The following KCNT2 variants were observed in gnomAD, a reference collection of about 807,000 sequenced individuals.
KCNT2 encodes the protein potassium channel subfamily T member 2.
KCNT2 carries 67 observed loss-of-function variants against 153.8 expected under a neutral mutation model. The ratio of observed to expected loss-of-function variants is 0.44; its 90% CI spans 0.36 to 0.53. The LOEUF is 0.53. Ranked by LOEUF, KCNT2 falls within the 20% of genes least tolerant of loss-of-function variation. The pLI, the probability that KCNT2 is intolerant of heterozygous loss-of-function variation, is 0.00. For synonymous variants in KCNT2, 500 were observed against 458.8 expected (o/e 1.09, Z -1.15); for missense variants, 975 against 1,354.8 (o/e 0.72, Z 4.40).
chr1:196,588,879 A>T (rs1236833552), intron 1 of KCNT2, among the ~76,000 whole-genome samples: 1 of 151,922 alleles, frequency 6.6e-6, no homozygotes, highest in Non-Finnish European at 1.5e-5. Context: ...CTTATTCCTC[A>T]ACAGGGTAAT....
intron 16 of KCNT2, among the ~76,000 whole-genome samples, chr1:196,336,816 T>C (rs1432216947): frequency 1.3e-5 from 2 of 152,320 alleles, no homozygotes; most frequent in East Asian, 3.9e-4. Flanking sequence ...GGTGTTGTCT[T>C]AATGCACTTA....
intron 22 of KCNT2, among the ~76,000 whole-genome samples, chr1:196,298,392 T>G (rs544701130): frequency 6.6e-6 from 1 of 152,144 alleles, no homozygotes; most frequent in African/African-American, 2.4e-5. Context: ...CTAAAATAAC[T>G]CACAGAACAA....
chr1:196,368,168 A>G (rs1668199944), intron 14 of KCNT2, among the ~76,000 whole-genome samples: 5 of 152,144 alleles, frequency 3.3e-5, no homozygotes. Context: ...AACTAATGCA[A>G]TATTCCTTAT....
intron 1 of KCNT2, among the ~76,000 whole-genome samples, chr1:196,510,816 A>G (rs1558025105): frequency 6.6e-6 from 1 of 152,172 alleles, no homozygotes; most frequent in Non-Finnish European, 1.5e-5. Flanking sequence ...AGCCTACAAC[A>G]CAAAGTTTGT....
intron 19 of KCNT2, among the ~76,000 whole-genome samples, chr1:196,325,917 G>C (rs557461983): frequency 6.6e-6 from 1 of 152,180 alleles, no homozygotes; most frequent in South Asian, 2.1e-4. Context: ...TGATAATTTT[G>C]AAAGGCAGAG....
At chr1:196,564,659 C>A (rs901199079) in intron 1 of KCNT2, among the ~76,000 whole-genome samples, 9 of 151,922 alleles carry the variant, frequency 5.9e-5, no homozygotes, top group African/African-American at 2.2e-4. Context: ...ATACAAAGAT[C>A]AATGGAACAG....
At chr1:196,429,958 T>C (rs938313143) in intron 8 of KCNT2, among the ~76,000 whole-genome samples, 3 of 152,068 alleles carry the variant, frequency 2.0e-5, no homozygotes, top group African/African-American at 4.8e-5. Flanking sequence ...TTTTGATTAA[T>C]AGACAAAAGT....
intron 8 of KCNT2, among the ~76,000 whole-genome samples, chr1:196,453,814 C>T (rs1014070788): frequency 1.3e-5 from 2 of 151,940 alleles, no homozygotes; most frequent in African/African-American, 4.8e-5. Context: ...TTATTCATCT[C>T]CCATCTGTGC....
chr1:196,565,098 GA>G (rs1283691628), intron 1 of KCNT2, among the ~76,000 whole-genome samples: 4 of 116,624 alleles, frequency 3.4e-5, no homozygotes, highest in Admixed American at 8.5e-5. Context: ...AAAATAAATA[GA>G]AAAAAAAACA....
At position 196,326,764 on chromosome 1, in the gene KCNT2, A is replaced by G; in HGVS notation, c.2229T>C (p.Tyr743=). The change falls in exon 19 of 28, where the codon TAT becomes TAC. Residue 743 remains tyrosine (Y), a synonymous_variant. Coordinates refer to ENST00000294725, the MANE Select transcript of KCNT2 (RefSeq NM_198503.5). ...TGGGATTAAGTTCTTTCTTTGGTCT[A>G]TAATATGCCCTGAGAGGAACAATAA... The part of the protein sequence containing the change: ...YNFIVPLRAY[Y]RPKKELNPIV... The G allele has an allele frequency of 6.4e-7, 1 of 1,573,872 alleles. No homozygotes were observed. Among genetic ancestry groups the G allele is most frequent in the Non-Finnish European group, 8.6e-7 (1 of 1,165,022 alleles).
At chr1:196,387,485 A>AT (rs1361977348) in intron 13 of KCNT2, among the ~76,000 whole-genome samples, 3 of 151,756 alleles carry the variant, frequency 2.0e-5, no homozygotes, top group African/African-American at 4.8e-5. Flanking sequence ...TGATGCCTGC[A>AT]TTTTTTTCCC....
intron 20 of KCNT2, among the ~76,000 whole-genome samples, chr1:196,319,265 T>C (rs1010108505): frequency 6.6e-6 from 1 of 151,776 alleles, no homozygotes; most frequent in African/African-American, 2.4e-5. Flanking sequence ...ACTGACAAAA[T>C]TGACATGCAG....
At chr1:196,273,446 G>C (rs1164920715) in intron 25 of KCNT2, 1 of 1,510,678 alleles carries the variant, frequency 6.6e-7, no homozygotes, top group South Asian at 1.2e-5. Flanking sequence ...TGAGGAAAGG[G>C]AAACAAACAG....
chr1:196,429,764 A>G lies in KCNT2; in HGVS notation c.639-7T>C, dbSNP rs184199912. On this transcript the variant is annotated splice_polypyrimidine_tract_variant and splice_region_variant and intron_variant, in intron 8 of 27. Transcript: ENST00000294725. Reference sequence around the variant, plus strand: ...ATGTTGGATCCCACAAATGCTAAAGAAACAAATATGCATTACAATTAAATC... The same window carrying G: ...ATGTTGGATCCCACAAATGCTAAAGGAACAAATATGCATTACAATTAAATC... 1.7e-4 allele frequency: 268 copies of G among 1,575,762 alleles called. 2 individuals carry two copies. In the Admixed American group the frequency reaches 4.8e-3, roughly 28 times the overall value.
chr1:196,356,984 A>G (rs1210149063), intron 14 of KCNT2, among the ~76,000 whole-genome samples: 2 of 151,900 alleles, frequency 1.3e-5, no homozygotes, highest in South Asian at 4.1e-4. Flanking sequence ...TTAACTTACC[A>G]TACTTAAAAT....
intron 26 of KCNT2, among the ~76,000 whole-genome samples, chr1:196,254,617 G>C (rs1272587634): frequency 6.6e-6 from 1 of 151,488 alleles, no homozygotes; most frequent in Non-Finnish European, 1.5e-5. Flanking sequence ...AAACTTATGA[G>C]CTGAAAACAG....
chr1:196,480,446 C>T (rs745896261), intron 4 of KCNT2, among the ~76,000 whole-genome samples: 4 of 152,140 alleles, frequency 2.6e-5, no homozygotes, highest in Non-Finnish European at 5.9e-5. Context: ...ACGCAAATCT[C>T]TTTCATTTTC....
At chr1:196,416,670 A>G (rs1672779754) in intron 12 of KCNT2, among the ~76,000 whole-genome samples, 1 of 152,084 alleles carries the variant, frequency 6.6e-6, no homozygotes, top group African/African-American at 2.4e-5. Flanking sequence ...CCTGATTCAT[A>G]AGTAAAAGTA....
At chr1:196,575,610 T>C (rs1219401239) in intron 1 of KCNT2, among the ~76,000 whole-genome samples, 1 of 149,802 alleles carries the variant, frequency 6.7e-6, no homozygotes, top group African/African-American at 2.4e-5. Context: ...TAAATATAGA[T>C]ATAATAAATA....
Sources: allele counts gnomAD v4.1 joint callset (sites outside exome capture counted in the v4.1 genomes callset), GRCh38; gene constraint gnomAD v4.1.1; transcripts MANE v1.5; gene names NCBI Gene and HGNC (gene_info 2026-07-23, HGNC 2026-07-21).